The following SNTG2 variants were observed in gnomAD, a reference collection of about 807,000 sequenced individuals.
SNTG2 encodes the protein syntrophin gamma 2, also known as gamma-2-syntrophin.
In SNTG2, 74 loss-of-function variants were observed where a neutral mutation model predicts 70.9. That is an observed-to-expected ratio of 1.04 (90% CI 0.86 to 1.27). The LOEUF (loss-of-function observed/expected upper bound fraction) is 1.27. Ranked by LOEUF, SNTG2 falls within the 50% of genes most tolerant of loss-of-function variation. The pLI is 0.00. For missense variants in SNTG2, 717 were observed against 690.7 expected (o/e 1.04, Z -0.43); for synonymous variants, 278 against 273.8 (o/e 1.02, Z -0.15).
intron 1 of SNTG2, among the ~76,000 whole-genome samples, chr2:1,080,910 C>T (rs1254577444): frequency 6.6e-6 from 1 of 152,146 alleles, no homozygotes; most frequent in South Asian, 2.1e-4. Context: ...TTCTGAGCTC[C>T]ATTCTGCAGG....
intron 1 of SNTG2, among the ~76,000 whole-genome samples, chr2:1,051,953 A>C (rs144099616): frequency 5.0e-4 from 76 of 152,380 alleles, no homozygotes; most frequent in African/African-American, 1.6e-3. Context: ...CTGATTTTCA[A>C]ATGGTAAACT....
chr2:1,029,683 G>A (rs550791203), intron 1 of SNTG2, among the ~76,000 whole-genome samples: 23 of 152,236 alleles, frequency 1.5e-4, no homozygotes, highest in African/African-American at 4.6e-4. Flanking sequence ...TGCTGTCGCC[G>A]CCAAGGTGCA....
intron 8 of SNTG2, among the ~76,000 whole-genome samples, chr2:1,180,292 G>A (rs1671784874): frequency 7.3e-6 from 1 of 136,300 alleles, no homozygotes; most frequent in African/African-American, 2.6e-5. Flanking sequence ...CCTACAGAAT[G>A]GGAGAAAATT....
rs902922192 is a variant in SNTG2 at position 960,217 on chromosome 2, C to T, written c.72+9149C>T. ...CCTGTCCTTGCTGCACTGGCTCAGG[C>T]GTCTGTGACTAGGGTGACAGTGTTG... On this transcript the variant is annotated intron_variant, in intron 1 of 16. Coordinates refer to ENST00000308624, the MANE Select transcript of SNTG2 (RefSeq NM_018968.4). Among the ~76,000 whole-genome samples the T allele has an allele frequency of 3.3e-5, 5 of 152,104 alleles. No homozygotes were observed. In the East Asian group the frequency reaches 5.8e-4, roughly 18 times the overall value.
At chr2:1,114,425 G>T (rs554878415) in intron 4 of SNTG2, among the ~76,000 whole-genome samples, 8 of 151,930 alleles carry the variant, frequency 5.3e-5, no homozygotes, top group Non-Finnish European at 1.2e-4. Flanking sequence ...ACTAAGTGAG[G>T]TTTAACCCTT....
At chr2:1,350,682 G>GT (rs1660529483) in intron 16 of SNTG2, among the ~76,000 whole-genome samples, 1 of 152,156 alleles carries the variant, frequency 6.6e-6, no homozygotes, top group Non-Finnish European at 1.5e-5. Context: ...AACAGTGATT[G>GT]TAAGAAGTCT....
At chr2:1,235,058 G>A (rs1316286867) in intron 9 of SNTG2, among the ~76,000 whole-genome samples, 3 of 152,352 alleles carry the variant, frequency 2.0e-5, no homozygotes, top group South Asian at 4.1e-4. Flanking sequence ...TCCTTCACAC[G>A]CCCTCACGCG....
intron 14 of SNTG2, among the ~76,000 whole-genome samples, chr2:1,299,552 C>T (rs1274350564): frequency 6.6e-6 from 1 of 152,208 alleles, no homozygotes; most frequent in Non-Finnish European, 1.5e-5. Flanking sequence ...ATTCGAGCCC[C>T]ATGTGCTCCA....
chr2:999,569 G>T (rs1002348788), intron 1 of SNTG2, among the ~76,000 whole-genome samples: 2 of 151,898 alleles, frequency 1.3e-5, no homozygotes, highest in Non-Finnish European at 2.9e-5. Context: ...AATGATAAAG[G>T]TATCAATTCC....
chr2:1,361,636 G>T (rs1397397342), intron 16 of SNTG2, among the ~76,000 whole-genome samples: 2 of 115,840 alleles, frequency 1.7e-5, no homozygotes, highest in East Asian at 5.6e-4. Flanking sequence ...CTTCCACGAA[G>T]GTCACCGATG....
chr2:1,183,546 A>T (rs1436906230), intron 8 of SNTG2, among the ~76,000 whole-genome samples: 1 of 152,226 alleles, frequency 6.6e-6, no homozygotes, highest in African/African-American at 2.4e-5. Flanking sequence ...GGCTGGACAG[A>T]TAGAGAATAG....
intron 7 of SNTG2, among the ~76,000 whole-genome samples, chr2:1,172,717 A>G (rs990622740): frequency 2.0e-5 from 3 of 152,170 alleles, no homozygotes; most frequent in African/African-American, 7.2e-5. Flanking sequence ...GTGGCCTGGT[A>G]TGATCATCTC....
chr2:959,246 T>A (rs995561935), intron 1 of SNTG2, among the ~76,000 whole-genome samples: 1 of 152,220 alleles, frequency 6.6e-6, no homozygotes, highest in Non-Finnish European at 1.5e-5. Context: ...AACAGCTGCA[T>A]ATGTGAATTA....
At chr2:1,185,416 G>T (rs534351598) in intron 8 of SNTG2, among the ~76,000 whole-genome samples, 1 of 152,110 alleles carries the variant, frequency 6.6e-6, no homozygotes, top group African/African-American at 2.4e-5. Flanking sequence ...AGCTCCAACC[G>T]CACATTTCCC....
chr2:1,280,412 A>G (rs1679463476), intron 14 of SNTG2, among the ~76,000 whole-genome samples: 1 of 152,216 alleles, frequency 6.6e-6, no homozygotes, highest in Non-Finnish European at 1.5e-5. Context: ...TTAAGTTAAA[A>G]CCACCAAGAT....
At chr2:1,006,222 TAGTG>T (rs1659566665) in intron 1 of SNTG2, among the ~76,000 whole-genome samples, 1 of 148,716 alleles carries the variant, frequency 6.7e-6, no homozygotes, top group Non-Finnish European at 1.5e-5. Context: ...GATGACAAGT[TAGTG>T]GGTGCAGCGC....
intron 9 of SNTG2, among the ~76,000 whole-genome samples, chr2:1,222,169 C>CTG: frequency 7.4e-6 from 1 of 134,498 alleles, no homozygotes; most frequent in African/African-American, 2.7e-5. Flanking sequence ...CTGTCTTTGT[C>CTG]TCTCTTTTTC....
At chr2:1,173,296 T>C in intron 8 of SNTG2, 113 bp downstream of exon 8, 1 of 1,007,574 alleles carries the variant, frequency 9.9e-7, no homozygotes, top group Non-Finnish European at 1.5e-6. Context: ...GATAATTGTG[T>C]TAGTTTCAGA....
chr2:1,208,795 A>G (rs930570445), intron 8 of SNTG2, among the ~76,000 whole-genome samples: 1 of 152,102 alleles, frequency 6.6e-6, no homozygotes, highest in East Asian at 1.9e-4. Flanking sequence ...CACGGTCTCT[A>G]TGCACTGAGC....
Sources: gnomAD v4.1 joint callset for allele counts (sites outside exome capture counted in the v4.1 genomes callset) on GRCh38, gnomAD v4.1.1 for gene constraint, MANE v1.5 for transcripts, NCBI Gene and HGNC (gene_info 2026-07-23, HGNC 2026-07-21) for gene names.